The following SAMMSON variants were observed in gnomAD, a reference collection of about 807,000 sequenced individuals.
The protein encoded by SAMMSON is survival associated mitochondrial melanoma specific oncogenic non-coding RNA.
intron 4 of SAMMSON, chr3:70,248,990 G>A (rs893853592): frequency 6.6e-6 from 1 of 152,034 alleles, no homozygotes; most frequent in African/African-American, 2.4e-5. Flanking sequence ...TATCCCATTC[G>A]GCTAAAGAAT....
At chr3:70,109,651 A>T (rs988641131) in intron 4 of SAMMSON, among the ~76,000 whole-genome samples, 2 of 152,164 alleles carry the variant, frequency 1.3e-5, no homozygotes, top group African/African-American at 4.8e-5. Flanking sequence ...TCTGTGAGAT[A>T]CTGATCAAGA....
At chr3:70,322,186 T>C (rs1435809102) in intron 7 of SAMMSON, among the ~76,000 whole-genome samples, 1 of 152,132 alleles carries the variant, frequency 6.6e-6, no homozygotes, top group Non-Finnish European at 1.5e-5. Context: ...GTACAGTACC[T>C]TTTGCTAAAT....
chr3:70,045,143 A>ATATATATTAATTATAATATATTATAATT (rs1559779832), intron 3 of SAMMSON, among the ~76,000 whole-genome samples: 17 of 130,790 alleles, frequency 1.3e-4, no homozygotes, highest in African/African-American at 4.8e-4. Flanking sequence ...ATTATAATTT[A>ATATATATTAATTATAATATATTATAATT]TATATATTAA....
chr3:70,017,559 A>C (rs977117766), intron 3 of SAMMSON, among the ~76,000 whole-genome samples: 4 of 152,064 alleles, frequency 2.6e-5, no homozygotes, highest in Admixed American at 6.6e-5. Context: ...TCTTTTCCTA[A>C]TTGACTACCC....
intron 4 of SAMMSON, among the ~76,000 whole-genome samples, chr3:70,160,081 C>G (rs370120352): frequency 6.6e-6 from 1 of 151,606 alleles, no homozygotes; most frequent in Admixed American, 6.6e-5. Context: ...TATTTTATCC[C>G]AATTTATTGC....
chr3:70,023,877 A>G (rs558667041), intron 3 of SAMMSON, among the ~76,000 whole-genome samples: 1 of 152,312 alleles, frequency 6.6e-6, no homozygotes, highest in South Asian at 2.1e-4. Context: ...GAGTCTTACA[A>G]CCTACACCAT....
chr3:70,297,441 C>G (rs1489606558), intron 7 of SAMMSON, among the ~76,000 whole-genome samples: 1 of 152,022 alleles, frequency 6.6e-6, no homozygotes, highest in Non-Finnish European at 1.5e-5. Context: ...CTGCTTAACC[C>G]TCACGTTGTT....
intron 2 of SAMMSON, among the ~76,000 whole-genome samples, chr3:70,397,343 C>G (rs72947199): frequency 1.3e-5 from 2 of 152,010 alleles, no homozygotes; most frequent in Non-Finnish European, 2.9e-5. Context: ...CTCACTTCAT[C>G]ACCCAGGCTG....
intron 2 of SAMMSON, among the ~76,000 whole-genome samples, chr3:70,401,227 G>A (rs1701137550): frequency 1.3e-5 from 2 of 151,306 alleles, no homozygotes; most frequent in Admixed American, 1.3e-4. Flanking sequence ...GAGGTTTTCT[G>A]GATAATGTTT....
intron 3 of SAMMSON, among the ~76,000 whole-genome samples, chr3:70,045,658 G>T (rs764007175): frequency 4.6e-5 from 7 of 151,970 alleles, no homozygotes; most frequent in Non-Finnish European, 8.8e-5. Context: ...AAAGTGAAGC[G>T]ACTAGTGAAT....
intron 7 of SAMMSON, among the ~76,000 whole-genome samples, chr3:70,306,463 G>T (rs895585290): frequency 2.6e-5 from 4 of 152,138 alleles, no homozygotes; most frequent in African/African-American, 9.7e-5. Context: ...ACTGCTTACA[G>T]AAAAGAAGCT....
intron 9 of SAMMSON, among the ~76,000 whole-genome samples, chr3:70,378,821 A>C (rs1226893126): frequency 1.3e-5 from 2 of 152,062 alleles, no homozygotes; most frequent in Non-Finnish European, 2.9e-5. Flanking sequence ...AATAGTAAAT[A>C]ACCCACTTGT....
intron 6 of SAMMSON, among the ~76,000 whole-genome samples, chr3:70,290,722 C>A (rs1205183103): frequency 1.3e-5 from 2 of 152,038 alleles, no homozygotes; most frequent in Admixed American, 6.6e-5. Context: ...ACTCCGTGGG[C>A]GTAGGACCCT....
At chr3:70,103,376 A>T (rs1576122548) in intron 4 of SAMMSON, among the ~76,000 whole-genome samples, 1 of 152,192 alleles carries the variant, frequency 6.6e-6, no homozygotes, top group African/African-American at 2.4e-5. Context: ...CCCAGTTTAC[A>T]TAAGTTACCT....
chr3:70,363,298 T>A (rs1702891098), intron 9 of SAMMSON, among the ~76,000 whole-genome samples: 1 of 151,908 alleles, frequency 6.6e-6, no homozygotes, highest in South Asian at 2.1e-4. Context: ...TTCACCACTC[T>A]TATTCAACAT....
intron 7 of SAMMSON, among the ~76,000 whole-genome samples, chr3:70,329,383 C>T (rs1279648594): frequency 1.3e-5 from 2 of 152,052 alleles, no homozygotes; most frequent in Non-Finnish European, 2.9e-5. Flanking sequence ...TTTCAAAACA[C>T]TTTTGAATTG....
At chr3:70,356,117 T>C (rs995083052) in intron 8 of SAMMSON, among the ~76,000 whole-genome samples, 1 of 152,150 alleles carries the variant, frequency 6.6e-6, no homozygotes, top group Non-Finnish European at 1.5e-5. Context: ...AATGACTCAG[T>C]GACATTCATA....
At chr3:70,134,349 AT>A (rs917354734) in intron 4 of SAMMSON, among the ~76,000 whole-genome samples, 7 of 151,478 alleles carry the variant, frequency 4.6e-5, no homozygotes, top group African/African-American at 1.7e-4. Context: ...TCAATAAATG[AT>A]TTTTTTAACT....
chr3:70,208,858 C>CT, intron 4 of SAMMSON, among the ~76,000 whole-genome samples: 2 of 152,134 alleles, frequency 1.3e-5, no homozygotes, highest in South Asian at 4.2e-4. Context: ...TATTCTCTTC[C>CT]TTTTATGTGC....
Sources: allele counts gnomAD v4.1 joint callset (sites outside exome capture counted in the v4.1 genomes callset), GRCh38; gene constraint gnomAD v4.1.1; transcripts MANE v1.5; gene names NCBI Gene and HGNC (gene_info 2026-07-23, HGNC 2026-07-21).